IGFN1: variants seen among roughly 807,000 people sequenced by gnomAD.
IGFN1 encodes the protein immunoglobulin like and fibronectin type III domain containing 1, also known as immunoglobulin-like and fibronectin type III domain-containing protein 1.
In IGFN1, 253 loss-of-function variants were observed where a neutral mutation model predicts 289.5. The ratio of observed to expected loss-of-function variants is 0.87; its 90% CI spans 0.79 to 0.97. The LOEUF is 0.97. Ranked by LOEUF, IGFN1 falls within the 50% of genes least tolerant of loss-of-function variation. IGFN1 has a pLI of 0.00. For synonymous variants in IGFN1, 1,706 were observed against 1,788.5 expected, an observed-to-expected ratio of 0.95 and a Z score of 1.16; for missense variants, 4,470 against 4,686.1, an observed-to-expected ratio of 0.95 and a Z score of 1.35.
At position 201,206,638 on chromosome 1, in the gene IGFN1, G is replaced by C. The variant is rs1386024941; in HGVS notation, c.1745G>C (p.Gly582Ala). ...GSSREGKEHRGDSGRQLDRHA... is the reference protein window; with the variant it reads ...GSSREGKEHRADSGRQLDRHA... The stretch of plus-strand genomic sequence containing the variant: ...AGCAGGGAAGGAAAGGAGCACAGAG[G>C]GGACAGTGGAAGACAACTGGACAGG... The change falls in exon 12 of 24, where the codon GGG (glycine) becomes GCG (alanine). Residue 582 changes from glycine to alanine, a missense_variant. This residue lies in a region of IGFN1 where 2,011 missense variants were observed against 1,953.4 expected (regional missense o/e 1.03). Transcript: ENST00000335211. 2 of 1,539,630 alleles carry C rather than the reference G, an allele frequency of 1.3e-6. No homozygotes were observed. The highest frequency in any genetic ancestry group is 1.7e-6 in the Non-Finnish European group (2 of 1,146,926).
Position 201,215,685 on chromosome 1 carries a change from G to T in IGFN1, c.9142G>T (p.Gly3048Cys). ...AWRKDGAEVVGSSDREAQVDL... is the reference protein window; with the variant it reads ...AWRKDGAEVVCSSDREAQVDL... ...GAGGAAGGACGGGGCTGAGGTGGTG[G>T]GCAGCAGTGACAGGGAGGCCCAGGT... Residue 3048 changes from glycine (G) to cysteine (C), a missense_variant, in exon 15 of 24, where the codon GGC becomes TGC. Physicochemically the swap from Gly to Cys is radical, Grantham distance 159. Coordinates refer to ENST00000335211, the MANE Select transcript of IGFN1 (RefSeq NM_001164586.2). 6.2e-7 allele frequency: 1 copy of T among 1,613,924 alleles called. No individual in the cohort carries two copies.
rs978667179 is a variant in IGFN1 at position 201,207,845 on chromosome 1, G to A, written c.2952G>A (p.Gly984=). ...SYGSGVPGEM[G]SGHGAGCRVS... ...GCTCAGGGGTTCCAGGAGAAATGGGGTCCGGCCATGGTGCTGGTTGTAGAG... is the reference window on the plus strand; with the variant it reads ...GCTCAGGGGTTCCAGGAGAAATGGGATCCGGCCATGGTGCTGGTTGTAGAG... Residue 984 remains glycine (G), a synonymous_variant, in exon 12 of 24, where the codon GGG becomes GGA. Transcript: ENST00000335211. 1.4e-5 allele frequency: 21 copies of A among 1,535,846 alleles called. No individual in the cohort carries two copies. Among genetic ancestry groups the A allele is most frequent in the Non-Finnish European group, 1.7e-5 (19 of 1,146,178 alleles).
chr1:201,226,168 G>T (rs3738271), intron 22 of IGFN1, 45 bp downstream of exon 22: 5 of 1,512,662 alleles, frequency 3.3e-6, no homozygotes, highest in South Asian at 2.6e-5. Context: ...TGGGGGTTGC[G>T]CTCTGCAATG....
In IGFN1 at chr1:201,208,710, G is replaced by T; in HGVS notation, c.3817G>T (p.Gly1273Cys). 6.5e-7 allele frequency: 1 copy of T among 1,537,108 alleles called. No individual in the cohort carries two copies. The highest frequency in any genetic ancestry group is 8.7e-7 in the Non-Finnish European group (1 of 1,146,834). Residue 1273 changes from glycine to cysteine, a missense_variant, in exon 12 of 24, where the codon GGT (glycine) becomes TGT (cysteine). Transcript: ENST00000335211. ...AGCAGATGGGCCAGGTTGTAGGAAG[G>T]GTATTGGGAGTTCTGGGGAAATGGG... ...GSADGPGCRK[G>C]IGSSGEMGSV...
rs2102317833 is a variant in IGFN1, at chr1:201,195,923, A to G, written c.212A>G (p.Asp71Gly). 5.8e-6 allele frequency: 9 copies of G among 1,551,834 alleles called. No homozygotes were observed. The highest frequency in any genetic ancestry group is 7.8e-6 in the Non-Finnish European group (9 of 1,147,022). ...RWQNSKGDLS[D>G]SSKYKISSSP... ...CAGAACTCCAAAGGTGACCTCAGTGATTCCAGCAAGTACAAGATCTCCTCC... is the reference window on the plus strand; with the variant it reads ...CAGAACTCCAAAGGTGACCTCAGTGGTTCCAGCAAGTACAAGATCTCCTCC... The change falls in exon 4 of 24, where the codon GAT becomes GGT. Residue 71 changes from aspartate to glycine, a missense_variant. Around this residue, in one of 8 missense-constraint regions of IGFN1, gnomAD observed 2,011 missense variants for 1,953.4 expected, o/e 1.03. Transcript: ENST00000335211.
chr1:201,226,758 A>G, intron 22 of IGFN1, 124 bp from the exon 23 acceptor site: 1 of 745,270 alleles, frequency 1.3e-6, no homozygotes, highest in Non-Finnish European at 2.2e-6. Flanking sequence ...TGCAGGCAAG[A>G]TGTGGCAGGA....
chr1:201,207,805 C>A lies in IGFN1; in HGVS notation c.2912C>A (p.Ala971Asp). The A allele has an allele frequency of 2.6e-6, 4 of 1,535,726 alleles. 1 individual carries two copies. Among genetic ancestry groups the A allele is most frequent in the Non-Finnish European group, 3.5e-6 (4 of 1,146,138 alleles). The change falls in exon 12 of 24, where the codon GCT (alanine) becomes GAT (aspartate). Residue 971 changes from alanine (A) to aspartate (D), a missense_variant. Ala to Asp is a moderately radical substitution (Grantham distance 126). This residue lies in a region of IGFN1 where 2,011 missense variants were observed against 1,953.4 expected (regional missense o/e 1.03). Coordinates refer to ENST00000335211, the MANE Select transcript of IGFN1 (RefSeq NM_001164586.2). Reference protein sequence around the residue: ...YSREISSKSGAGYSYGSGVPG... With the variant: ...YSREISSKSGDGYSYGSGVPG... ...AGGGAAATAAGCTCTAAAAGCGGGG[C>A]TGGTTATAGCTATGGCTCAGGGGTT... is the stretch of plus-strand genomic sequence containing the variant.
intron 5 of IGFN1, among the ~76,000 whole-genome samples, chr1:201,197,978 G>A (rs1666988175): frequency 6.6e-6 from 1 of 152,176 alleles, no homozygotes; most frequent in African/African-American, 2.4e-5. Flanking sequence ...GCTGCCATCG[G>A]AGAGCTGATT....
Position 201,214,419 on chromosome 1 carries a change from A to T in IGFN1, c.8853+118A>T, listed in dbSNP as rs1653048933. ...TTTTCATTCTTCATTTTGCTAATGT[A>T]TCCACCTCAGGAGAAGTTTAAATAG... On this transcript the variant is annotated intron_variant, in intron 13 of 23. Transcript: ENST00000335211. The T allele has an allele frequency of 9.1e-6, 10 of 1,097,590 alleles. No homozygotes were observed. In the South Asian group the frequency reaches 1.8e-4, roughly 20 times the overall value. The allele number at this position is 1,097,590 out of a possible 1,614,324, so 68.0% of individuals were successfully genotyped here.
intron 21 of IGFN1, 58 bp downstream of exon 21, chr1:201,224,932 G>C: frequency 7.4e-7 from 1 of 1,359,404 alleles, no homozygotes; most frequent in East Asian, 2.4e-5. Flanking sequence ...CCAAGGCAAA[G>C]AGGTGTCCAC....
chr1:201,201,663 T>C, intron 8 of IGFN1, 56 bp from the exon 9 acceptor site: 2 of 926,128 alleles, frequency 2.2e-6, no homozygotes, highest in South Asian at 2.8e-5. Context: ...GGGTTCAGAG[T>C]ACCCCGAAGA....
intron 13 of IGFN1, 43 bp from the exon 14 acceptor site, chr1:201,214,970 A>T (rs565185099): frequency 1.3e-6 from 2 of 1,596,426 alleles, no homozygotes; most frequent in African/African-American, 1.3e-5. Context: ...AGGAACTGGG[A>T]TGGGAGTGGG....
At position 201,212,319 on chromosome 1, in the gene IGFN1, C is replaced by T. The variant is rs111957375; in HGVS notation, c.7426C>T (p.Pro2476Ser). 3,126 of 1,536,568 alleles carry T rather than the reference C, an allele frequency of 2.0e-3. 64 individuals are homozygous for T. The African/African-American group carries it at 0.038, about 19-fold the overall frequency. ...DLGGYGTSGI[P>S]EASEAAGAKG... The stretch of plus-strand genomic sequence containing the variant: ...TGGGGGCTATGGAACTTCAGGGATC[C>T]CTGAGGCCTCGGAGGCTGCTGGTGC... The change falls in exon 12 of 24, where the codon CCT becomes TCT. Residue 2476 changes from proline (P) to serine (S), a missense_variant. Coordinates refer to ENST00000335211, the MANE Select transcript of IGFN1 (RefSeq NM_001164586.2).
At chr1:201,196,949 CT>C (rs959881822) in intron 4 of IGFN1, among the ~76,000 whole-genome samples, 6 of 152,166 alleles carry the variant, frequency 3.9e-5, no homozygotes, top group Admixed American at 3.9e-4. Context: ...AGGACAGAGA[CT>C]GTTTTCAGGC....
intron 10 of IGFN1, among the ~76,000 whole-genome samples, chr1:201,204,378 A>C (rs1162850623): frequency 6.6e-6 from 1 of 151,818 alleles, no homozygotes; most frequent in East Asian, 1.9e-4. Flanking sequence ...CCTTCATCAA[A>C]CTCTGTCCCA....
rs1653735861 is a variant in IGFN1, at chr1:201,221,624, C to T, written c.10079C>T (p.Thr3360Ile). ...PCHVGTVPVT[T>I]YTAKGLRPGE... ...CATGTGGGCACCGTGCCAGTCACCACCTACACGGCCAAGGGGCTTCGGCCT... is the reference window on the plus strand; with the variant it reads ...CATGTGGGCACCGTGCCAGTCACCATCTACACGGCCAAGGGGCTTCGGCCT... Residue 3360 changes from threonine to isoleucine, a missense_variant, in exon 19 of 24, where the codon ACC (threonine) becomes ATC (isoleucine). Transcript: ENST00000335211. The T allele has an allele frequency of 6.2e-7, 1 of 1,614,224 alleles. No individual in the cohort carries two copies.
chr1:201,207,337 C>G lies in IGFN1; in HGVS notation c.2444C>G (p.Ser815Cys). The change falls in exon 12 of 24, where the codon TCT (serine) becomes TGT (cysteine). Residue 815 changes from serine to cysteine, a missense_variant. Ser to Cys is a moderately radical substitution (Grantham distance 112). Coordinates refer to ENST00000335211, the MANE Select transcript of IGFN1 (RefSeq NM_001164586.2). ...EVEYDPRSFQ[S>C]SQGWTAGHRA... Reference sequence around the variant, plus strand: ...GAGTATGACCCCAGAAGCTTCCAGTCTTCCCAGGGCTGGACAGCAGGTCAC... The same window carrying G: ...GAGTATGACCCCAGAAGCTTCCAGTGTTCCCAGGGCTGGACAGCAGGTCAC... 1 of 1,536,960 alleles carries G rather than the reference C, an allele frequency of 6.5e-7. No homozygotes were observed.
In IGFN1 at chr1:201,221,475, C is replaced by T; in HGVS notation, c.9930C>T (p.Val3310=). ...RPPGLVRNLQ[V]TDRSNTSITL... is the part of the protein sequence containing the mutation. ...CTGGGCTGGTGAGGAATCTCCAAGT[C>T]ACAGACAGATCGAACACCAGCATCA... Residue 3310 remains valine, a synonymous_variant, in exon 19 of 24, where the codon GTC becomes GTT. Coordinates refer to ENST00000335211, the MANE Select transcript of IGFN1 (RefSeq NM_001164586.2). 1 of 1,609,420 alleles carries T rather than the reference C, an allele frequency of 6.2e-7. No homozygotes were observed. Among genetic ancestry groups the T allele is most frequent in the Non-Finnish European group, 8.5e-7 (1 of 1,177,784 alleles).
chr1:201,215,671 G>C lies in IGFN1; in HGVS notation c.9128G>C (p.Gly3043Ala). 1 of 1,614,014 alleles carries C rather than the reference G, an allele frequency of 6.2e-7. No homozygotes were observed. Among genetic ancestry groups the C allele is most frequent in the Non-Finnish European group, 8.5e-7 (1 of 1,179,984 alleles). Residue 3043 changes from glycine to alanine, a missense_variant, in exon 15 of 24, where the codon GGG (glycine) becomes GCG (alanine). Coordinates refer to ENST00000335211, the MANE Select transcript of IGFN1 (RefSeq NM_001164586.2). ...LPIQAAWRKD[G>A]AEVVGSSDRE... Reference sequence around the variant, plus strand: ...ATTCAGGCTGCCTGGAGGAAGGACGGGGCTGAGGTGGTGGGCAGCAGTGAC... The same window carrying C: ...ATTCAGGCTGCCTGGAGGAAGGACGCGGCTGAGGTGGTGGGCAGCAGTGAC...
Sources: allele counts gnomAD v4.1 joint callset (sites outside exome capture counted in the v4.1 genomes callset), GRCh38; gene constraint gnomAD v4.1.1; regional missense constraint gnomAD v4.1.1; transcripts MANE v1.5; gene names NCBI Gene and HGNC (gene_info 2026-07-23, HGNC 2026-07-21).